Variants in PTPRN2 observed in about 807,000 individuals in gnomAD.
PTPRN2 encodes protein tyrosine phosphatase receptor type N2.
PTPRN2 carries 74 observed loss-of-function variants against 118.8 expected under a neutral mutation model. The ratio of observed to expected loss-of-function variants is 0.62; its 90% CI spans 0.52 to 0.76. The LOEUF is 0.76. Among genes scored for constraint, PTPRN2 ranks in the 30% least tolerant of loss-of-function variants. The pLI, the probability that PTPRN2 is intolerant of heterozygous loss-of-function variation, is 0.00. For synonymous variants in PTPRN2, 641 were observed against 608.0 expected (o/e 1.05, Z -0.80); for missense variants, 1,481 against 1,394.4 (o/e 1.06, Z -0.99).
chr7:158,220,272 C>T (rs1828258556), intron 3 of PTPRN2, among the ~76,000 whole-genome samples: 1 of 152,028 alleles, frequency 6.6e-6, no homozygotes, highest in Non-Finnish European at 1.5e-5. Context: ...AAACAAAATG[C>T]CCACTCTCAT....
At chr7:157,557,016 T>C (rs767417474) in intron 21 of PTPRN2, among the ~76,000 whole-genome samples, 12 of 147,116 alleles carry the variant, frequency 8.2e-5, no homozygotes, top group Non-Finnish European at 1.8e-4. Context: ...TGCACACACA[T>C]ATATACAGGC....
chr7:158,125,059 C>G (rs953388272), intron 9 of PTPRN2, among the ~76,000 whole-genome samples: 10 of 152,302 alleles, frequency 6.6e-5, no homozygotes, highest in African/African-American at 2.4e-4. Context: ...AGACAGCTGG[C>G]CATGGAGGGA....
chr7:157,545,512 C>T (rs570540396), intron 22 of PTPRN2, among the ~76,000 whole-genome samples: 18 of 151,658 alleles, frequency 1.2e-4, no homozygotes, highest in East Asian at 1.2e-3. Context: ...TGTGGGTGTA[C>T]ACAGTGTGTG....
chr7:157,887,570 G>GTACCCGC (rs1796543640), intron 12 of PTPRN2, among the ~76,000 whole-genome samples: 2 of 9,672 alleles, frequency 2.1e-4, no homozygotes, highest in African/African-American at 6.2e-4. Context: ...CCAGTACATG[G>GTACCCGC]TCCCCCAGTG....
intron 2 of PTPRN2, among the ~76,000 whole-genome samples, chr7:158,471,279 C>A (rs567329334): frequency 1.3e-5 from 2 of 152,156 alleles, no homozygotes; most frequent in Admixed American, 1.3e-4. Context: ...CCGCCTCCCC[C>A]TCCTATGGAC....
At chr7:158,023,468 A>G (rs968529913) in intron 11 of PTPRN2, among the ~76,000 whole-genome samples, 2 of 152,024 alleles carry the variant, frequency 1.3e-5, no homozygotes, top group East Asian at 3.9e-4. Context: ...AAATTTCTCT[A>G]ATCTATATTT....
chr7:158,194,348 C>T (rs1363675437), intron 4 of PTPRN2, among the ~76,000 whole-genome samples: 3 of 152,308 alleles, frequency 2.0e-5, no homozygotes, highest in Non-Finnish European at 4.4e-5. Context: ...CATAAAAGAA[C>T]GGGCATCACC....
intron 11 of PTPRN2, among the ~76,000 whole-genome samples, chr7:157,942,136 C>G (rs62475375): frequency 6.8e-6 from 1 of 146,546 alleles, no homozygotes; most frequent in African/African-American, 2.6e-5. Flanking sequence ...GCCTTCCACA[C>G]GCACAGGGGT....
Position 158,529,391 on chromosome 7 carries a change from C to T in PTPRN2, c.113-39606G>A, listed in dbSNP as rs1460468971. 2.0e-5 allele frequency among the ~76,000 whole-genome samples: 3 copies of T among 152,106 alleles called. No homozygotes were observed. Among genetic ancestry groups the T allele is most frequent in the Non-Finnish European group, 4.4e-5 (3 of 68,024 alleles). On this transcript the variant is annotated intron_variant, in intron 1 of 22. Transcript: ENST00000389418. This position sits in a 1 kb window ranked among gnomAD's most constrained non-coding sequence, Gnocchi z 4.7. Reference sequence around the variant, plus strand: ...TGTCGGCAGAGGAAGGTGGGAAGGCCCAGGGGAGGCCAGCAGGAGGACGGA... The same window carrying T: ...TGTCGGCAGAGGAAGGTGGGAAGGCTCAGGGGAGGCCAGCAGGAGGACGGA...
intron 11 of PTPRN2, among the ~76,000 whole-genome samples, chr7:158,034,686 A>G (rs1807973893): frequency 6.6e-6 from 1 of 152,250 alleles, no homozygotes; most frequent in Admixed American, 6.5e-5. Flanking sequence ...TGCTAGGCCA[A>G]GATCTGGAAA....
At chr7:157,549,721 C>T (rs1798499891) in intron 21 of PTPRN2, among the ~76,000 whole-genome samples, 1 of 152,178 alleles carries the variant, frequency 6.6e-6, no homozygotes, top group African/African-American at 2.4e-5. Flanking sequence ...CTTTAGTAGA[C>T]AGATAATGAG....
chr7:157,654,018 C>T (rs1186984074), intron 14 of PTPRN2, among the ~76,000 whole-genome samples: 1 of 125,160 alleles, frequency 8.0e-6, no homozygotes, highest in African/African-American at 3.1e-5. Flanking sequence ...CGACTCCACA[C>T]GACGCCCGCC....
At chr7:157,804,498 A>G (rs1238846433) in intron 12 of PTPRN2, among the ~76,000 whole-genome samples, 2 of 152,016 alleles carry the variant, frequency 1.3e-5, no homozygotes, top group Admixed American at 6.5e-5. Flanking sequence ...CCAAGGTCCC[A>G]GCCAAAAAGC....
rs1034577575 is a variant in PTPRN2 at position 158,248,045 on chromosome 7, G to A, written c.278-42772C>T. Among the ~76,000 whole-genome samples the A allele has an allele frequency of 2.5e-4, 38 of 152,246 alleles. No individual in the cohort carries two copies. In the East Asian group the frequency reaches 4.3e-3, roughly 17 times the overall value. ...TTGTCTCATAAAATCACAGCACATCGTTTCTGAGGGTAAAGAATTAGAGAC... is the reference window on the plus strand; with the variant it reads ...TTGTCTCATAAAATCACAGCACATCATTTCTGAGGGTAAAGAATTAGAGAC... On this transcript the variant is annotated intron_variant, in intron 3 of 22. Transcript: ENST00000389418.
At chr7:157,802,143 C>T (rs1401173614) in intron 12 of PTPRN2, among the ~76,000 whole-genome samples, 7 of 152,176 alleles carry the variant, frequency 4.6e-5, no homozygotes, top group Admixed American at 3.9e-4. Flanking sequence ...GAGTGTGCAG[C>T]GTGGTACTGT....
At chr7:158,452,106 T>C (rs1229015958) in intron 2 of PTPRN2, among the ~76,000 whole-genome samples, 1 of 152,214 alleles carries the variant, frequency 6.6e-6, no homozygotes, top group Non-Finnish European at 1.5e-5. Flanking sequence ...AGACTTTCTA[T>C]TCTTTCCCTT....
At chr7:158,222,494 G>T (rs573601706) in intron 3 of PTPRN2, among the ~76,000 whole-genome samples, 1 of 152,178 alleles carries the variant, frequency 6.6e-6, no homozygotes, top group Non-Finnish European at 1.5e-5. Context: ...AATACTGCGT[G>T]TTCTCACTTA....
At chr7:157,859,991 ACC>A (rs1359696628) in intron 12 of PTPRN2, among the ~76,000 whole-genome samples, 2 of 134,678 alleles carry the variant, frequency 1.5e-5, no homozygotes, top group Non-Finnish European at 3.2e-5. Context: ...CCCGGCCACC[ACC>A]CACACTCCTG....
intron 21 of PTPRN2, among the ~76,000 whole-genome samples, chr7:157,563,041 C>T (rs1161041927): frequency 8.2e-6 from 1 of 122,442 alleles, no homozygotes; most frequent in Non-Finnish European, 1.7e-5. Flanking sequence ...ATCAGGACCA[C>T]ATGCTCCCGC....
Sources: gnomAD v4.1 joint callset for allele counts (sites outside exome capture counted in the v4.1 genomes callset) on GRCh38, gnomAD v4.1.1 for gene constraint, Gnocchi (gnomAD v3.1) non-coding constraint, MANE v1.5 for transcripts, NCBI Gene and HGNC (gene_info 2026-07-23, HGNC 2026-07-21) for gene names.